The following DNMT1 variants were observed in gnomAD, a reference collection of about 807,000 sequenced individuals.
The protein encoded by DNMT1 is DNA (cytosine-5)-methyltransferase 1.
A neutral mutation model predicts 205.3 loss-of-function variants in DNMT1; 24 were observed. The observed-to-expected ratio is 0.12, with a 90% CI of 0.08 to 0.16. The LOEUF is 0.16. Among genes scored for constraint, DNMT1 ranks in the 10% least tolerant of loss-of-function variants. The pLI, the probability that DNMT1 is intolerant of heterozygous loss-of-function variation, is 1.00. For synonymous variants in DNMT1, 817 were observed against 839.8 expected (o/e 0.97, Z 0.47); for missense variants, 1,293 against 2,177.7 (o/e 0.59, Z 8.09).
rs576420043 is a variant in DNMT1 at position 10,138,327 on chromosome 19, C to T, written c.4115+112G>A. On this transcript the variant is annotated intron_variant, in intron 35 of 40. Transcript: ENST00000359526. This position sits in a 1 kb window ranked among gnomAD's most constrained non-coding sequence, Gnocchi z 4.1. ...TGTGGCAGAGCACCGTGTGGCAGGG[C>T]AGATGCTGTACCATCCTCTCCTCCC... The T allele has an allele frequency of 7.0e-3, 10,585 of 1,520,306 alleles. 40 individuals are homozygous for T. Among genetic ancestry groups the T allele is most frequent in the Non-Finnish European group, 8.3e-3 (9,200 of 1,112,012 alleles). The allele number at this position is 1,520,306 out of a possible 1,614,324, so 94.2% of individuals were successfully genotyped here. A position where few individuals can be genotyped will look rare whatever the true frequency, so the allele number is the denominator to read the frequency against.
At position 10,159,969 on chromosome 19, in the gene DNMT1, A is replaced by AGCCGCCTCGTGAGC. The variant is rs1472977196; in HGVS notation, c.1089+35_1089+48dup. 1 of 1,614,212 alleles carries AGCCGCCTCGTGAGC rather than the reference A, an allele frequency of 6.2e-7. No homozygotes were observed. The highest frequency in any genetic ancestry group is 8.5e-7 in the Non-Finnish European group (1 of 1,180,044). On this transcript the variant is annotated intron_variant, in intron 15 of 40. Coordinates refer to ENST00000359526, the MANE Select transcript of DNMT1 (RefSeq NM_001130823.3). This position sits in a 1 kb window ranked among gnomAD's most constrained non-coding sequence, Gnocchi z 5.0. Reference sequence around the variant, plus strand: ...TGATGGCACTCAGAGAGCAGCTCCCAGCCGCCTCGTGAGCGCCGCCACCGG... The same window carrying AGCCGCCTCGTGAGC: ...TGATGGCACTCAGAGAGCAGCTCCCAGCCGCCTCGTGAGCGCCGCCTCGTGAGCGCCGCCACCGG...
intron 11 of DNMT1, 115 bp from the exon 12 acceptor site, chr19:10,163,475 T>C: frequency 1.8e-6 from 2 of 1,110,996 alleles, no homozygotes; most frequent in South Asian, 1.3e-5. Flanking sequence ...CCCAGCACTG[T>C]GGAGCTGGAA....
chr19:10,148,764 G>A (rs1358485835), intron 27 of DNMT1, 120 bp downstream of exon 27: 36 of 1,563,336 alleles, frequency 2.3e-5, no homozygotes, highest in Admixed American at 2.0e-4. Context: ...GGCCTTTGAC[G>A]AGCAAGAGAC....
chr19:10,165,470 G>A (rs112755781), intron 11 of DNMT1, among the ~76,000 whole-genome samples: 17,189 of 152,200 alleles, frequency 0.11, 1,419 homozygotes, highest in East Asian at 0.4. Context: ...TTGGCTCACT[G>A]CAACCTCTGC....
At chr19:10,141,637 G>T in intron 30 of DNMT1, 1 of 334,122 alleles carries the variant, frequency 3.0e-6, no homozygotes, top group Non-Finnish European at 5.6e-6. Context: ...GGCTGGGCCT[G>T]GACGTAGGCG....
Position 10,166,532 on chromosome 19 carries a change from C to T in DNMT1, c.891+66G>A, listed in dbSNP as rs948878765. On this transcript the variant is annotated intron_variant, in intron 11 of 40. Coordinates refer to ENST00000359526, the MANE Select transcript of DNMT1 (RefSeq NM_001130823.3). ...TGAACCCAGAGCCCCACCCTGCGCACTCCCGCCCAAGCAAACAGGAGCAGA... is the reference window on the plus strand; with the variant it reads ...TGAACCCAGAGCCCCACCCTGCGCATTCCCGCCCAAGCAAACAGGAGCAGA... 4.4e-6 allele frequency: 7 copies of T among 1,602,096 alleles called. No individual in the cohort carries two copies. The Middle Eastern group carries it at 8.3e-4, about 190-fold the overall frequency.
chr19:10,188,799 A>G (rs1252287197), intron 1 of DNMT1, among the ~76,000 whole-genome samples: 1 of 152,120 alleles, frequency 6.6e-6, no homozygotes, highest in Admixed American at 6.6e-5. Context: ...GCTGACTTTA[A>G]AGGTAGAGGA....
rs1261295760 is a variant in DNMT1, at chr19:10,142,133, G to A, written c.3204C>T (p.Asp1068=). 6.2e-7 allele frequency: 1 copy of A among 1,614,032 alleles called. No individual in the cohort carries two copies. The highest frequency in any genetic ancestry group is 1.1e-5 in the South Asian group (1 of 91,090). The stretch of plus-strand genomic sequence containing the variant: ...TGCAGCGGCCCTGCACAGCCTTGAA[G>A]TCCACCACGGCCTCCTCGTCGCTCC... ...LYWSDEEAVV[D]FKAVQGRCTV... is the part of the protein sequence containing the mutation. Residue 1068 remains aspartate (D), a synonymous_variant, in exon 30 of 41, where the codon GAC becomes GAT. Coordinates refer to ENST00000359526, the MANE Select transcript of DNMT1 (RefSeq NM_001130823.3).
rs1478047497 is a variant in DNMT1 at position 10,142,137 on chromosome 19, A to C, written c.3200T>G (p.Val1067Gly). The stretch of plus-strand genomic sequence containing the variant: ...GCGGCCCTGCACAGCCTTGAAGTCC[A>C]CCACGGCCTCCTCGTCGCTCCAGTA... Reference protein sequence around the residue: ...LLYWSDEEAVVDFKAVQGRCT... With the variant: ...LLYWSDEEAVGDFKAVQGRCT... The change falls in exon 30 of 41, where the codon GTG becomes GGG. Residue 1067 changes from valine to glycine, a missense_variant. By Grantham distance (109) the Val-to-Gly change is moderately radical. Around this residue, in one of 13 missense-constraint regions of DNMT1, gnomAD observed 167 missense variants for 258.1 expected, o/e 0.65. Coordinates refer to ENST00000359526, the MANE Select transcript of DNMT1 (RefSeq NM_001130823.3). 2 of 1,613,864 alleles carry C rather than the reference A, an allele frequency of 1.2e-6. No homozygotes were observed. The highest frequency in any genetic ancestry group is 1.7e-6 in the Non-Finnish European group (2 of 1,180,040).
intron 13 of DNMT1, among the ~76,000 whole-genome samples, chr19:10,161,024 G>T (rs947751978): frequency 6.6e-6 from 1 of 151,508 alleles, no homozygotes; most frequent in African/African-American, 2.4e-5. Context: ...GCCAGGCACA[G>T]GGCCGGGCGC....
At chr19:10,188,827 G>C (rs1207343493) in intron 1 of DNMT1, among the ~76,000 whole-genome samples, 2 of 152,150 alleles carry the variant, frequency 1.3e-5, no homozygotes, top group African/African-American at 4.8e-5. Flanking sequence ...ATGAGCCGAG[G>C]GATGAGACCG....
intron 24 of DNMT1, among the ~76,000 whole-genome samples, chr19:10,150,887 T>C (rs1349369646): frequency 1.3e-5 from 2 of 151,790 alleles, no homozygotes; most frequent in African/African-American, 4.8e-5. Flanking sequence ...GAGGCCGGAG[T>C]TCGAGAATGG....
At position 10,146,310 on chromosome 19, in the gene DNMT1, C is replaced by T. The variant is rs1179260544; in HGVS notation, c.2894+41G>A. On this transcript the variant is annotated intron_variant, in intron 28 of 40. Transcript: ENST00000359526. The surrounding 1 kb of genome is among the most constrained non-coding windows in gnomAD (Gnocchi z 4.4). ...CACCACAAAGCCAGCCTGGCTCAGC[C>T]TGGAGCGCCCTGGCCCCGGCTGCTC... is the stretch of plus-strand genomic sequence containing the variant. The T allele has an allele frequency of 6.2e-7, 1 of 1,610,014 alleles. No individual in the cohort carries two copies.
At position 10,151,754 on chromosome 19, in the gene DNMT1, G is replaced by A. The variant is rs766157757; in HGVS notation, c.2113C>T (p.Arg705Trp). The A allele has an allele frequency of 1.2e-6, 2 of 1,614,052 alleles. No homozygotes were observed. Among genetic ancestry groups the A allele is most frequent in the Non-Finnish European group, 1.7e-6 (2 of 1,180,024 alleles). Residue 705 changes from arginine (R) to tryptophan (W), a missense_variant, in exon 23 of 41, where the codon CGG (arginine) becomes TGG (tryptophan). By Grantham distance (101) the Arg-to-Trp change is moderately radical. Transcript: ENST00000359526. The surrounding 1 kb of genome is among the most constrained non-coding windows in gnomAD (Gnocchi z 5.0). ...GGAAGACTCGGCCTGACCTACCTCC[G>A]CTCTTGGCAAGCCTGCTTGCTCCGT... ...SGRSKQACQE[R>W]RCPNMAMKEA...
intron 1 of DNMT1, among the ~76,000 whole-genome samples, chr19:10,189,946 C>T (rs908442067): frequency 6.6e-6 from 1 of 152,174 alleles, no homozygotes; most frequent in Admixed American, 6.6e-5. Context: ...CAGGCAGCCC[C>T]ACCCCCTTTT....
At position 10,159,369 on chromosome 19, in the gene DNMT1, C is replaced by A. The variant is rs1343674608; in HGVS notation, c.1280+289G>T. ...TAGTTGGGATTACAGTCGCGTACCACCACACCTGGCTACTTTTTGTATTTT... is the reference window on the plus strand; with the variant it reads ...TAGTTGGGATTACAGTCGCGTACCAACACACCTGGCTACTTTTTGTATTTT... On this transcript the variant is annotated intron_variant, in intron 17 of 40. Transcript: ENST00000359526. The surrounding 1 kb of genome is among the most constrained non-coding windows in gnomAD (Gnocchi z 5.0). Among the ~76,000 whole-genome samples the A allele has an allele frequency of 2.0e-5, 3 of 152,144 alleles. No individual in the cohort carries two copies. Among genetic ancestry groups the A allele is most frequent in the Non-Finnish European group, 4.4e-5 (3 of 68,042 alleles).
At chr19:10,143,420 C>T (rs989379700) in intron 29 of DNMT1, among the ~76,000 whole-genome samples, 2 of 145,046 alleles carry the variant, frequency 1.4e-5, no homozygotes, top group African/African-American at 5.2e-5. Context: ...GCCGGGGTCT[C>T]ACTACGTTTC....
At chr19:10,160,255 G>A in intron 14 of DNMT1, 129 bp downstream of exon 14, 6 of 1,533,356 alleles carry the variant, frequency 3.9e-6, no homozygotes, top group Non-Finnish European at 5.3e-6. Flanking sequence ...TTGGTCCTAT[G>A]TTCACCAACC....
intron 17 of DNMT1, among the ~76,000 whole-genome samples, chr19:10,157,029 C>T (rs1289283888): frequency 6.6e-6 from 1 of 152,174 alleles, no homozygotes; most frequent in Non-Finnish European, 1.5e-5. Flanking sequence ...TCTGCAACAG[C>T]AACACCAAAA....
Sources: gnomAD v4.1 joint callset for allele counts (sites outside exome capture counted in the v4.1 genomes callset) on GRCh38, gnomAD v4.1.1 for gene constraint, gnomAD v4.1.1 regional missense constraint, Gnocchi (gnomAD v3.1) non-coding constraint, MANE v1.5 for transcripts, NCBI Gene and HGNC (gene_info 2026-07-23, HGNC 2026-07-21) for gene names.